Variants in SLC2A9 observed in about 807,000 individuals in gnomAD.
SLC2A9 encodes the protein solute carrier family 2 member 9.
SLC2A9 carries 39 observed loss-of-function variants against 50.6 expected under a neutral mutation model. The ratio of observed to expected loss-of-function variants is 0.77; its 90% CI spans 0.60 to 1.01. The LOEUF is 1.01. Among genes scored for constraint, SLC2A9 ranks in the 50% least tolerant of loss-of-function variants. SLC2A9 has a pLI of 0.00. For synonymous variants in SLC2A9, 324 were observed against 276.9 expected, an observed-to-expected ratio of 1.17 and a Z score of -1.69; for missense variants, 686 against 677.6, an observed-to-expected ratio of 1.01 and a Z score of -0.14.
At chr4:9,962,423 T>C (rs1336787301) in intron 5 of SLC2A9, among the ~76,000 whole-genome samples, 1 of 152,224 alleles carries the variant, frequency 6.6e-6, no homozygotes, top group Non-Finnish European at 1.5e-5. Context: ...TGCAGGGACA[T>C]GGATGGAGCT....
At chr4:9,852,043 C>A (rs1021283743) in intron 10 of SLC2A9, among the ~76,000 whole-genome samples, 1 of 152,108 alleles carries the variant, frequency 6.6e-6, no homozygotes, top group African/African-American at 2.4e-5. Flanking sequence ...ATGCAGGGAA[C>A]CCCTGTGAGA....
At chr4:9,916,526 G>A (rs930939720) in intron 7 of SLC2A9, among the ~76,000 whole-genome samples, 2 of 152,216 alleles carry the variant, frequency 1.3e-5, no homozygotes, top group African/African-American at 4.8e-5. Context: ...TGACAGCAAG[G>A]TTGGGAGGAG....
intron 2 of SLC2A9, among the ~76,000 whole-genome samples, chr4:10,017,304 C>G (rs915059834): frequency 6.6e-6 from 1 of 152,218 alleles, no homozygotes; most frequent in Non-Finnish European, 1.5e-5. Flanking sequence ...GGTTCTCCCC[C>G]ACCTCTCACC....
rs1009734124 is a variant in SLC2A9, at chr4:9,879,129, G to A, written c.1291+8438C>T. 4 of 978,170 alleles carry A rather than the reference G, an allele frequency of 4.1e-6. No homozygotes were observed. In the African/African-American group the frequency reaches 5.3e-5, roughly 13 times the overall value. The allele number at this position is 978,170 out of a possible 1,614,324, so 60.6% of individuals were successfully genotyped here. ...TCTTTGAAGCAGTCCCTGATGTTAG[G>A]AGGACTGACCAACCATGGCCATTGT... On this transcript the variant is annotated intron_variant, in intron 10 of 11. Coordinates refer to ENST00000264784, the MANE Select transcript of SLC2A9 (RefSeq NM_020041.3).
At chr4:9,784,270 T>C (rs1038083455) in intron 3 of SLC2A9, among the ~76,000 whole-genome samples, 19 of 145,914 alleles carry the variant, frequency 1.3e-4, no homozygotes, top group Middle Eastern at 6.9e-3. Context: ...TTAGATCTTC[T>C]CAAGACCAGA....
At chr4:9,791,090 G>A (rs1719860411) in intron 3 of SLC2A9, among the ~76,000 whole-genome samples, 1 of 152,194 alleles carries the variant, frequency 6.6e-6, no homozygotes, top group Non-Finnish European at 1.5e-5. Context: ...GAGAACCCTA[G>A]AGGTCCTTTT....
intron 9 of SLC2A9, 74 bp from the exon 10 acceptor site, chr4:9,887,716 C>A: frequency 8.2e-7 from 1 of 1,212,340 alleles, no homozygotes; most frequent in South Asian, 1.8e-5. Context: ...CACCCCAGCT[C>A]CTCCTCCATC....
At chr4:9,931,598 G>A (rs745478818) in intron 6 of SLC2A9, among the ~76,000 whole-genome samples, 6 of 152,172 alleles carry the variant, frequency 3.9e-5, no homozygotes, top group East Asian at 1.9e-4. Flanking sequence ...GCCAGTGTTC[G>A]CCCAGGTAAT....
At chr4:9,946,814 T>G (rs1749262218) in intron 5 of SLC2A9, among the ~76,000 whole-genome samples, 1 of 152,196 alleles carries the variant, frequency 6.6e-6, no homozygotes, top group South Asian at 2.1e-4. Flanking sequence ...CCCTGGGGCT[T>G]TATTTCCCTG....
At chr4:9,949,971 C>T (rs1273851827) in intron 5 of SLC2A9, among the ~76,000 whole-genome samples, 1 of 152,134 alleles carries the variant, frequency 6.6e-6, no homozygotes, top group Non-Finnish European at 1.5e-5. Context: ...CTTACCGTCC[C>T]TCCCAACAAC....
intron 5 of SLC2A9, among the ~76,000 whole-genome samples, chr4:9,974,654 A>G (rs1754482037): frequency 1.3e-5 from 2 of 152,316 alleles, no homozygotes; most frequent in Non-Finnish European, 2.9e-5. Context: ...AGAACAATCA[A>G]TATCATTAAA....
intron 7 of SLC2A9, among the ~76,000 whole-genome samples, chr4:9,909,419 G>C (rs1055928395): frequency 1.1e-4 from 16 of 152,280 alleles, no homozygotes; most frequent in Middle Eastern, 6.8e-3. Flanking sequence ...CTTCCATCTT[G>C]TTGAGGTCTC....
chr4:9,820,576 G>T (rs1215942647), intron 3 of SLC2A9, among the ~76,000 whole-genome samples: 2 of 152,156 alleles, frequency 1.3e-5, no homozygotes, highest in Admixed American at 1.3e-4. Context: ...AGTGAACACA[G>T]TGTATCTTTC....
At chr4:9,824,297 C>T (rs1402308593), downstream of SLC2A9, among the ~76,000 whole-genome samples, 4 of 118,090 alleles carry the variant, frequency 3.4e-5, no homozygotes, top group East Asian at 6.6e-4. Flanking sequence ...AACTCTACAG[C>T]CTCCAGAACA....
chr4:9,825,294 C>T (rs1324151073), downstream of SLC2A9, among the ~76,000 whole-genome samples: 3 of 152,200 alleles, frequency 2.0e-5, no homozygotes, highest in Non-Finnish European at 4.4e-5. Flanking sequence ...AGAAGAGCCC[C>T]TCAACATATC....
chr4:9,843,590 C>T (rs1440394771), intron 10 of SLC2A9, among the ~76,000 whole-genome samples: 14 of 152,126 alleles, frequency 9.2e-5, no homozygotes, highest in Admixed American at 9.2e-4. Context: ...CACTTGCAGG[C>T]TCTATGTGAC....
downstream of SLC2A9, among the ~76,000 whole-genome samples, chr4:9,824,210 T>C (rs919299907): frequency 2.0e-5 from 3 of 152,046 alleles, no homozygotes; most frequent in South Asian, 2.1e-4. Context: ...CCTCACCATG[T>C]GATTCCCTTT....
intron 7 of SLC2A9, among the ~76,000 whole-genome samples, chr4:9,917,325 C>CTTTTTTTTTTTTTTTTTTTTTTT (rs55927201): frequency 1.2e-5 from 1 of 81,798 alleles, no homozygotes; most frequent in Non-Finnish European, 2.1e-5. Flanking sequence ...TTCTTTTTTC[C>CTTTTTTTTTTTTTTTTTTTTTTT]TTTTTTTTTT....
intron 5 of SLC2A9, among the ~76,000 whole-genome samples, chr4:9,947,847 A>G (rs1382493047): frequency 6.6e-6 from 1 of 152,116 alleles, no homozygotes; most frequent in African/African-American, 2.4e-5. Context: ...TGGGGCCACA[A>G]TAAAGGCTCT....
Sources: allele counts gnomAD v4.1 joint callset (sites outside exome capture counted in the v4.1 genomes callset), GRCh38; gene constraint gnomAD v4.1.1; transcripts MANE v1.5; gene names NCBI Gene and HGNC (gene_info 2026-07-23, HGNC 2026-07-21).